The following PDCL variants were observed in gnomAD, a reference collection of about 807,000 sequenced individuals.
PDCL encodes phosducin like.
In PDCL, 11 loss-of-function variants were observed where a neutral mutation model predicts 26.7. The observed-to-expected ratio is 0.41, with a 90% CI of 0.26 to 0.68. The LOEUF (loss-of-function observed/expected upper bound fraction) is 0.68. PDCL is among the 30% of genes least tolerant of loss of function. PDCL has a pLI of 0.30. For synonymous variants in PDCL, 118 were observed against 134.9 expected (o/e 0.87, Z 0.87); for missense variants, 330 against 371.6 (o/e 0.89, Z 0.92).
chr9:122,828,189 G>C (rs1045567470), intron 1 of PDCL, among the ~76,000 whole-genome samples: 2 of 152,132 alleles, frequency 1.3e-5, no homozygotes, highest in African/African-American at 4.8e-5. Flanking sequence ...TCCTAAAGGA[G>C]GGACCGCTGC....
At chr9:122,820,698 T>C in intron 3 of PDCL, 62 bp from the exon 4 acceptor site, 3 of 1,433,798 alleles carry the variant, frequency 2.1e-6, no homozygotes, top group South Asian at 1.3e-5. Flanking sequence ...TAACAGTTAA[T>C]ATGGGCCGGG....
chr9:122,826,126 G>A (rs74687236), intron 2 of PDCL, among the ~76,000 whole-genome samples: 1 of 152,112 alleles, frequency 6.6e-6, no homozygotes, highest in Admixed American at 6.6e-5. Context: ...CAAAAAAAAG[G>A]TGGTGGGGGC....
At chr9:122,826,893 A>T in intron 1 of PDCL, 101 bp from the exon 2 acceptor site, 1 of 1,019,520 alleles carries the variant, frequency 9.8e-7, no homozygotes, top group South Asian at 1.5e-5. Context: ...TACAATTTCC[A>T]GGACACTAAA....
At position 122,818,416 on chromosome 9, in the gene PDCL, T is replaced by C. The variant is rs902429001; in HGVS notation, c.*1669A>G. 7.2e-5 allele frequency: 11 copies of C among 152,244 alleles called. No individual in the cohort carries two copies. The East Asian group carries it at 2.1e-3, about 29-fold the overall frequency. 9.4% of individuals were successfully genotyped at this position (152,244 alleles called of 1,614,324 possible). On this transcript the variant is annotated 3_prime_UTR_variant, in exon 4 of 4. Coordinates refer to ENST00000259467, the MANE Select transcript of PDCL (RefSeq NM_005388.5). ...AAAGTATTTATGATACAACACTAAA[T>C]AAGGAAGAGCACAGAACTAAATTCA...
chr9:122,822,636 G>A (rs1411739878), intron 3 of PDCL, among the ~76,000 whole-genome samples: 1 of 152,134 alleles, frequency 6.6e-6, no homozygotes, highest in African/African-American at 2.4e-5. Context: ...GTAAGAAGGG[G>A]ATAATACCAC....
intron 3 of PDCL, 51 bp downstream of exon 3, chr9:122,822,965 G>T: frequency 1.3e-6 from 2 of 1,515,238 alleles, no homozygotes; most frequent in Non-Finnish European, 1.8e-6. Context: ...CACTCACCCA[G>T]CTCTAGCAGC....
intron 1 of PDCL, among the ~76,000 whole-genome samples, chr9:122,827,369 T>A (rs1447283311): frequency 6.6e-6 from 1 of 152,110 alleles, no homozygotes; most frequent in East Asian, 1.9e-4. Context: ...AAACGCTACC[T>A]ATTCTGACAG....
intron 1 of PDCL, among the ~76,000 whole-genome samples, chr9:122,827,126 C>T (rs952423018): frequency 2.6e-5 from 4 of 152,186 alleles, no homozygotes; most frequent in Non-Finnish European, 4.4e-5. Context: ...GTACAAGCCA[C>T]CTGCACTGGC....
chr9:122,824,499 C>A (rs941419816), intron 2 of PDCL, among the ~76,000 whole-genome samples: 1 of 152,162 alleles, frequency 6.6e-6, no homozygotes, highest in African/African-American at 2.4e-5. Flanking sequence ...GCAGGGCTGC[C>A]ATTGACCTAC....
chr9:122,823,902 TG>T (rs1419218663), intron 2 of PDCL, among the ~76,000 whole-genome samples: 1 of 151,972 alleles, frequency 6.6e-6, no homozygotes, highest in African/African-American at 2.4e-5. Flanking sequence ...CCCGAGCAGC[TG>T]GGACTACAGG....
Position 122,820,649 on chromosome 9 carries a change from C to G in PDCL, c.355-13G>C. ...CCTTCAGAGTCATCTGCAGGCGGAC[C>G]AGCAAGTGAGCATAAATATGAAAAC... On this transcript the variant is annotated splice_polypyrimidine_tract_variant and intron_variant, in intron 3 of 3. Transcript: ENST00000259467. The G allele has an allele frequency of 6.3e-7, 1 of 1,587,264 alleles. No individual in the cohort carries two copies. The highest frequency in any genetic ancestry group is 8.6e-7 in the Non-Finnish European group (1 of 1,169,034).
At position 122,820,105 on chromosome 9, in the gene PDCL, T is replaced by C; in HGVS notation, c.886A>G (p.Ser296Gly). The C allele has an allele frequency of 6.2e-7, 1 of 1,609,726 alleles. No homozygotes were observed. Among genetic ancestry groups the C allele is most frequent in the East Asian group, 2.2e-5 (1 of 44,864 alleles). Residue 296 changes from serine (S) to glycine (G), a missense_variant, in exon 4 of 4, where the codon AGC becomes GGC. Transcript: ENST00000259467. ...TCAGTTCAATCTATTTCCAGGTCGC[T>C]ATCCTCACTGTGACACGTGGCAGAG... ...RNSATCHSED[S>G]DLEID
chr9:122,818,285 T>A lies in PDCL; in HGVS notation c.*1800A>T, dbSNP rs894950806. The A allele has an allele frequency of 2.0e-5, 3 of 151,944 alleles. No homozygotes were observed. The highest frequency in any genetic ancestry group is 3.9e-4 in the East Asian group (2 of 5,182). 9.4% of individuals were successfully genotyped at this position (151,944 alleles called of 1,614,324 possible). On this transcript the variant is annotated 3_prime_UTR_variant, in exon 4 of 4. Transcript: ENST00000259467. ...TCCATCTCAAAGAAAACAAACAAAA[T>A]AAATAAATAAAAATAAAGAGACTGG... is the stretch of plus-strand genomic sequence containing the variant.
At chr9:122,825,286 C>T (rs1045861327) in intron 2 of PDCL, among the ~76,000 whole-genome samples, 1 of 151,956 alleles carries the variant, frequency 6.6e-6, no homozygotes, top group Admixed American at 6.6e-5. Flanking sequence ...CTCAGCCTCC[C>T]GAGTAGTTGG....
chr9:122,822,969 T>C (rs115072498), intron 3 of PDCL, 47 bp downstream of exon 3: 38,725 of 1,540,732 alleles, frequency 0.025, 1,450 homozygotes, highest in South Asian at 0.15. Context: ...CACCCAGCTC[T>C]AGCAGCCACA....
Position 122,820,527 on chromosome 9 carries a change from C to A in PDCL, c.464G>T (p.Gly155Val). The A allele has an allele frequency of 6.2e-7, 1 of 1,613,990 alleles. No individual in the cohort carries two copies. Among genetic ancestry groups the A allele is most frequent in the Non-Finnish European group, 8.5e-7 (1 of 1,180,008 alleles). ...CTCAAAAACCTGCTTGAATTGGGGC[C>A]CCTTGTGAAGCTGCTGCCGCATCTC... ...MEEMRQQLHK[G>V]PQFKQVFEIS... is the part of the protein sequence containing the mutation. The change falls in exon 4 of 4, where the codon GGG becomes GTG. Residue 155 changes from glycine (G) to valine (V), a missense_variant. Transcript: ENST00000259467.
At position 122,818,715 on chromosome 9, in the gene PDCL, T is replaced by A. The variant is rs902376553; in HGVS notation, c.*1370A>T. 1 of 151,832 alleles carries A rather than the reference T, an allele frequency of 6.6e-6. No homozygotes were observed. The highest frequency in any genetic ancestry group is 2.4e-5 in the African/African-American group (1 of 41,324). 9.4% of individuals were successfully genotyped at this position (151,832 alleles called of 1,614,324 possible). A position where few individuals can be genotyped will look rare whatever the true frequency, so the allele number is the denominator to read the frequency against. On this transcript the variant is annotated 3_prime_UTR_variant, in exon 4 of 4. Coordinates refer to ENST00000259467, the MANE Select transcript of PDCL (RefSeq NM_005388.5). ...TTCCAGATTACATTTCCCCTGACCC[T>A]AGAATATACATTTTTAAAGTTAAAA...
intron 1 of PDCL, among the ~76,000 whole-genome samples, chr9:122,827,160 G>C (rs1257331607): frequency 6.6e-6 from 1 of 152,150 alleles, no homozygotes; most frequent in African/African-American, 2.4e-5. Flanking sequence ...CTGACTAGTG[G>C]TTTTATCTGT....
At chr9:122,824,549 C>T (rs1364315914) in intron 2 of PDCL, among the ~76,000 whole-genome samples, 1 of 152,084 alleles carries the variant, frequency 6.6e-6, no homozygotes, top group Non-Finnish European at 1.5e-5. Context: ...ACCTTTGTTG[C>T]CATAAGCCAC....
Sources: allele counts gnomAD v4.1 joint callset (sites outside exome capture counted in the v4.1 genomes callset), GRCh38; gene constraint gnomAD v4.1.1; transcripts MANE v1.5; gene names NCBI Gene and HGNC (gene_info 2026-07-23, HGNC 2026-07-21).